The following RASSF9 variants were observed in gnomAD, a reference collection of about 807,000 sequenced individuals.
RASSF9 encodes Ras association domain family member 9, also known as ras association domain-containing protein 9.
RASSF9 carries 18 observed loss-of-function variants against 21.4 expected under a neutral mutation model. The observed-to-expected ratio is 0.84, with a 90% CI of 0.58 to 1.25. The LOEUF (loss-of-function observed/expected upper bound fraction) is 1.25, where lower values mean the gene tolerates loss of function less well. RASSF9 is among the 50% of genes most tolerant of loss of function. The pLI is 0.00. For synonymous variants in RASSF9, 183 were observed against 179.1 expected, an observed-to-expected ratio of 1.02 and a Z score of -0.18; for missense variants, 480 against 503.2, an observed-to-expected ratio of 0.95 and a Z score of 0.44.
At chr12:85,830,404 C>T (rs1880424794) in intron 1 of RASSF9, among the ~76,000 whole-genome samples, 1 of 152,032 alleles carries the variant, frequency 6.6e-6, no homozygotes, top group African/African-American at 2.4e-5. Context: ...ACCCATGTAT[C>T]CACTTAACAT....
chr12:85,800,840 A>G lies in RASSF9; in HGVS notation c.*3862T>C, dbSNP rs886128423. The G allele has an allele frequency of 4.6e-5, 7 of 151,938 alleles. No homozygotes were observed. The highest frequency in any genetic ancestry group is 3.3e-3 in the Middle Eastern group (1 of 304). 9.4% of individuals were successfully genotyped at this position (151,938 alleles called of 1,614,324 possible). A position where few individuals can be genotyped will look rare whatever the true frequency, so the allele number is the denominator to read the frequency against. On this transcript the variant is annotated 3_prime_UTR_variant, in exon 2 of 2. Transcript: ENST00000361228. Reference sequence around the variant, plus strand: ...AAATAGCCTAGTATTTAAAAACTATATATCAGGATAAAATGTATTTCTTTG... The same window carrying G: ...AAATAGCCTAGTATTTAAAAACTATGTATCAGGATAAAATGTATTTCTTTG...
At chr12:85,810,934 T>TGC (rs1262375144) in intron 1 of RASSF9, among the ~76,000 whole-genome samples, 7 of 151,816 alleles carry the variant, frequency 4.6e-5, no homozygotes, top group Non-Finnish European at 8.8e-5. Flanking sequence ...TGTGTGTGTG[T>TGC]TTGTTGGGGC....
chr12:85,833,668 TG>T (rs1880500807), intron 1 of RASSF9, among the ~76,000 whole-genome samples: 1 of 151,992 alleles, frequency 6.6e-6, no homozygotes, highest in Admixed American at 6.6e-5. Flanking sequence ...TAATCCCCAA[TG>T]TTCCTTCTAA....
In RASSF9 at chr12:85,805,882, A is replaced by C; in HGVS notation, c.128T>G (p.Leu43Arg). 1.2e-6 allele frequency: 2 copies of C among 1,613,994 alleles called. No individual in the cohort carries two copies. Among genetic ancestry groups the C allele is most frequent in the Non-Finnish European group, 1.7e-6 (2 of 1,179,878 alleles). ...VCQEEKLVCG[L>R]TKRTTSADVI... ...ATCAGCAGAGGTGGTGCGTTTAGTC[A>C]GCCCACAGACAAGCTTCTCTTCTTG... Residue 43 changes from leucine to arginine, a missense_variant, in exon 2 of 2, where the codon CTG (leucine) becomes CGG (arginine). Transcript: ENST00000361228.
chr12:85,822,353 T>C (rs565014822), intron 1 of RASSF9, among the ~76,000 whole-genome samples: 1 of 152,326 alleles, frequency 6.6e-6, no homozygotes, highest in South Asian at 2.1e-4. Context: ...GCTGAAAACA[T>C]GAGGTGAGCC....
intron 1 of RASSF9, among the ~76,000 whole-genome samples, chr12:85,812,542 G>T (rs1310079467): frequency 6.6e-6 from 1 of 150,882 alleles, no homozygotes; most frequent in Non-Finnish European, 1.5e-5. Flanking sequence ...TTAAATTTAT[G>T]ATTTTATCTT....
chr12:85,817,762 G>A (rs1880108297), intron 1 of RASSF9, among the ~76,000 whole-genome samples: 3 of 151,738 alleles, frequency 2.0e-5, no homozygotes, highest in African/African-American at 7.3e-5. Flanking sequence ...TCACATAGCT[G>A]GAAAGAAAAA....
chr12:85,822,415 A>C (rs1400469257), intron 1 of RASSF9, among the ~76,000 whole-genome samples: 2 of 152,210 alleles, frequency 1.3e-5, no homozygotes, highest in East Asian at 1.9e-4. Flanking sequence ...GAACTGCAAT[A>C]AAATAACTTC....
At chr12:85,828,358 G>A (rs12297846) in intron 1 of RASSF9, among the ~76,000 whole-genome samples, 4,283 of 152,116 alleles carry the variant, frequency 0.028, 212 homozygotes, top group African/African-American at 0.098. Context: ...AACTAAAAGA[G>A]TGTAATCAGA....
intron 1 of RASSF9, among the ~76,000 whole-genome samples, chr12:85,817,706 T>C (rs1456176942): frequency 6.6e-6 from 1 of 152,084 alleles, no homozygotes; most frequent in Non-Finnish European, 1.5e-5. Flanking sequence ...GTATTAAGGT[T>C]ATAAAAGAAA....
chr12:85,803,335 C>T lies in RASSF9; in HGVS notation c.*1367G>A, dbSNP rs570896749. The T allele has an allele frequency of 1.3e-5, 2 of 152,186 alleles. No homozygotes were observed. The highest frequency in any genetic ancestry group is 4.8e-5 in the African/African-American group (2 of 41,512). The allele number at this position is 152,186 out of a possible 1,614,324, so 9.4% of individuals were successfully genotyped here. ...CTAAGTAAAATAATATTTCTACTTA[C>T]ATGTGCAGTGACACACAGGAAAGAT... On this transcript the variant is annotated 3_prime_UTR_variant, in exon 2 of 2. Coordinates refer to ENST00000361228, the MANE Select transcript of RASSF9 (RefSeq NM_005447.4).
intron 1 of RASSF9, among the ~76,000 whole-genome samples, chr12:85,825,115 G>A (rs1880302780): frequency 6.6e-6 from 1 of 152,098 alleles, no homozygotes. Context: ...TGAGTCTCCT[G>A]CCTCACCCTC....
Position 85,801,384 on chromosome 12 carries a change from C to T in RASSF9, c.*3318G>A, listed in dbSNP as rs1879696022. The stretch of plus-strand genomic sequence containing the variant: ...AAAATGTACAAGCATCATTTACCAT[C>T]TATAAAACACACACACACACACACA... On this transcript the variant is annotated 3_prime_UTR_variant, in exon 2 of 2. Transcript: ENST00000361228. 6.6e-6 allele frequency: 1 copy of T among 150,994 alleles called. No individual in the cohort carries two copies. Among genetic ancestry groups the T allele is most frequent in the Non-Finnish European group, 1.5e-5 (1 of 68,014 alleles). 9.4% of individuals were successfully genotyped at this position (150,994 alleles called of 1,614,324 possible).
At chr12:85,811,692 T>C (rs1879956510) in intron 1 of RASSF9, among the ~76,000 whole-genome samples, 1 of 151,846 alleles carries the variant, frequency 6.6e-6, no homozygotes, top group Non-Finnish European at 1.5e-5. Context: ...CTTCAAAGTA[T>C]AGTACTTAGC....
At chr12:85,809,228 A>C (rs1274147464) in intron 1 of RASSF9, among the ~76,000 whole-genome samples, 3 of 152,162 alleles carry the variant, frequency 2.0e-5, no homozygotes, top group African/African-American at 7.2e-5. Context: ...CTATAAAAAC[A>C]AATTTATAAG....
chr12:85,805,668 C>T lies in RASSF9; in HGVS notation c.342G>A (p.Leu114=), dbSNP rs1321955915. ...CTGGAAGAAAAGCATCTGCTTTAACCAAAACAAATTGCATATTGGGCTGCT... is the reference window on the plus strand; with the variant it reads ...CTGGAAGAAAAGCATCTGCTTTAACTAAAACAAATTGCATATTGGGCTGCT... ...GDEQPNMQFV[L]VKADAFLPVP... Residue 114 remains leucine (L), a synonymous_variant, in exon 2 of 2, where the codon TTG becomes TTA. Transcript: ENST00000361228. 4 of 1,613,830 alleles carry T rather than the reference C, an allele frequency of 2.5e-6. No homozygotes were observed. The highest frequency in any genetic ancestry group is 3.4e-6 in the Non-Finnish European group (4 of 1,179,894).
intron 1 of RASSF9, among the ~76,000 whole-genome samples, chr12:85,834,072 A>C (rs1261406927): frequency 6.6e-6 from 1 of 152,080 alleles, no homozygotes; most frequent in African/African-American, 2.4e-5. Flanking sequence ...ATATAGCATT[A>C]GTAAATACCA....
At chr12:85,835,091 G>A (rs771034139) in intron 1 of RASSF9, among the ~76,000 whole-genome samples, 4 of 152,104 alleles carry the variant, frequency 2.6e-5, no homozygotes, top group South Asian at 4.1e-4. Flanking sequence ...ACATGTGTGC[G>A]CAAAATAAAG....
chr12:85,832,993 A>C (rs1880482642), intron 1 of RASSF9, among the ~76,000 whole-genome samples: 1 of 151,856 alleles, frequency 6.6e-6, no homozygotes, highest in Non-Finnish European at 1.5e-5. Context: ...GCCTGATTAT[A>C]TTTGGGCATA....
Sources: allele counts gnomAD v4.1 joint callset (sites outside exome capture counted in the v4.1 genomes callset), GRCh38; gene constraint gnomAD v4.1.1; transcripts MANE v1.5; gene names NCBI Gene and HGNC (gene_info 2026-07-23, HGNC 2026-07-21).